PKN2: variants seen among roughly 807,000 people sequenced by gnomAD.
PKN2 encodes protein kinase N2.
PKN2 carries 38 observed loss-of-function variants against 119.1 expected under a neutral mutation model. That is an observed-to-expected ratio of 0.32 (90% CI 0.25 to 0.42). The LOEUF (loss-of-function observed/expected upper bound fraction) is 0.42, where lower values mean the gene tolerates loss of function less well. Ranked by LOEUF, PKN2 falls within the 10% of genes least tolerant of loss-of-function variation. The pLI is 1.00. For missense variants in PKN2, 850 were observed against 1,165.1 expected (o/e 0.73, Z 3.94); for synonymous variants, 390 against 384.9 (o/e 1.01, Z -0.15).
At chr1:88,699,550 A>G (rs111614883) in intron 1 of PKN2, among the ~76,000 whole-genome samples, 1,527 of 152,050 alleles carry the variant, frequency 0.01, 22 homozygotes, top group African/African-American at 0.035. Context: ...TCCATTAGCT[A>G]TTCTTCCTGA....
rs763865553 is a variant in PKN2 at position 88,834,715 on chromosome 1, A to T, written c.*1267A>T. The T allele has an allele frequency of 6.6e-6, 1 of 152,310 alleles. No individual in the cohort carries two copies. The highest frequency in any genetic ancestry group is 1.5e-5 in the Non-Finnish European group (1 of 67,976). The allele number at this position is 152,310 out of a possible 1,614,324, so 9.4% of individuals were successfully genotyped here. A position where few individuals can be genotyped will look rare whatever the true frequency, so the allele number is the denominator to read the frequency against. ...CAAAAATAATTTGATGAAATATTTT[A>T]TACAACTCTTCAAAGGATCCGTCTG... On this transcript the variant is annotated 3_prime_UTR_variant, in exon 22 of 22. Coordinates refer to ENST00000370521, the MANE Select transcript of PKN2 (RefSeq NM_006256.4).
intron 8 of PKN2, among the ~76,000 whole-genome samples, chr1:88,792,119 T>G (rs988376619): frequency 6.6e-6 from 1 of 152,146 alleles, no homozygotes; most frequent in Non-Finnish European, 1.5e-5. Flanking sequence ...AAAAATAACA[T>G]GTCGGCCGGG....
chr1:88,758,790 C>T (rs548115861), intron 2 of PKN2, among the ~76,000 whole-genome samples: 54 of 151,998 alleles, frequency 3.6e-4, no homozygotes, highest in Admixed American at 7.2e-4. Flanking sequence ...TCTGTCATTG[C>T]TGGGCATTTA....
At chr1:88,769,659 A>T (rs1036607419) in intron 3 of PKN2, among the ~76,000 whole-genome samples, 1 of 152,236 alleles carries the variant, frequency 6.6e-6, no homozygotes, top group African/African-American at 2.4e-5. Context: ...GCCATATATG[A>T]CAACATGGGT....
chr1:88,806,388 T>TCGA, intron 12 of PKN2: 3 of 221,270 alleles, frequency 1.4e-5, no homozygotes, highest in Non-Finnish European at 2.7e-5. Flanking sequence ...CAGGCTGGTC[T>TCGA]TAAACTCCTG....
chr1:88,784,968 G>T (rs1670513597), intron 7 of PKN2, 144 bp downstream of exon 7: 1 of 461,796 alleles, frequency 2.2e-6, no homozygotes, highest in East Asian at 3.5e-5. Flanking sequence ...GTGATGTCAG[G>T]AAACAAAAAG....
At chr1:88,752,842 A>C (rs550186512) in intron 2 of PKN2, among the ~76,000 whole-genome samples, 1 of 151,884 alleles carries the variant, frequency 6.6e-6, no homozygotes, top group African/African-American at 2.4e-5. Flanking sequence ...TATTTTATTC[A>C]TTTGTTTTTA....
At chr1:88,720,626 C>CT (rs749644076) in intron 1 of PKN2, among the ~76,000 whole-genome samples, 7 of 151,844 alleles carry the variant, frequency 4.6e-5, no homozygotes, top group African/African-American at 7.3e-5. Context: ...TTTCGTGACC[C>CT]TTTTTTTTAT....
rs1672851476 is a variant in PKN2, at chr1:88,834,234, A to AAT, written c.*787_*788insTA. The stretch of plus-strand genomic sequence containing the variant: ...GATATTGTTACCTGTATGCATTCCC[A>AAT]AAGTCTAGATGCTCAGTATGTTCAG... On this transcript the variant is annotated 3_prime_UTR_variant, in exon 22 of 22. Transcript: ENST00000370521. 1 of 152,048 alleles carries AAT rather than the reference A, an allele frequency of 6.6e-6. No individual in the cohort carries two copies. The highest frequency in any genetic ancestry group is 6.6e-5 in the Admixed American group (1 of 15,220). 9.4% of individuals were successfully genotyped at this position (152,048 alleles called of 1,614,324 possible).
chr1:88,799,201 A>G (rs2048091517), intron 8 of PKN2, among the ~76,000 whole-genome samples: 1 of 152,194 alleles, frequency 6.6e-6, no homozygotes, highest in Admixed American at 6.5e-5. Context: ...TTTCCTATAA[A>G]GGGAGCAGAG....
chr1:88,720,027 G>T (rs10922480), intron 1 of PKN2, among the ~76,000 whole-genome samples: 26,977 of 151,708 alleles, frequency 0.18, 2,931 homozygotes, highest in South Asian at 0.34. Context: ...AATGTTTTTT[G>T]TTGTTGTTGT....
At chr1:88,824,442 A>G (rs1210212753) in intron 18 of PKN2, 56 bp downstream of exon 18, 2 of 988,536 alleles carry the variant, frequency 2.0e-6, no homozygotes, top group African/African-American at 1.6e-5. Context: ...TTCTTTGTGC[A>G]TCAGTAGTTT....
chr1:88,828,973 T>C, intron 19 of PKN2: 1 of 637,062 alleles, frequency 1.6e-6, no homozygotes, highest in South Asian at 1.5e-5. Context: ...CCACTATAGA[T>C]TGGTCAGAAA....
At chr1:88,774,131 G>C (rs948696907) in intron 6 of PKN2, among the ~76,000 whole-genome samples, 3 of 152,136 alleles carry the variant, frequency 2.0e-5, no homozygotes, top group African/African-American at 7.2e-5. Flanking sequence ...TAAACATAAA[G>C]GGGGAGATCT....
At chr1:88,710,377 A>G (rs940718029) in intron 1 of PKN2, among the ~76,000 whole-genome samples, 3 of 152,206 alleles carry the variant, frequency 2.0e-5, no homozygotes, top group Admixed American at 2.0e-4. Context: ...GAAATTTTGC[A>G]TAAGAACTAC....
At chr1:88,746,824 T>C (rs1436786001) in intron 2 of PKN2, among the ~76,000 whole-genome samples, 1 of 152,144 alleles carries the variant, frequency 6.6e-6, no homozygotes, top group East Asian at 1.9e-4. Context: ...CATTCCAGCA[T>C]TATATAGCCA....
intron 17 of PKN2, among the ~76,000 whole-genome samples, chr1:88,823,239 TG>T (rs1266807917): frequency 1.3e-5 from 2 of 151,942 alleles, no homozygotes. Flanking sequence ...AAAAATAAAT[TG>T]AAAAAAATGG....
intron 2 of PKN2, among the ~76,000 whole-genome samples, chr1:88,743,803 G>C (rs970494175): frequency 6.6e-6 from 1 of 152,054 alleles, no homozygotes; most frequent in East Asian, 1.9e-4. Flanking sequence ...TATGACACTT[G>C]AAACATTAAA....
chr1:88,775,981 C>G (rs1011385109), intron 6 of PKN2, among the ~76,000 whole-genome samples: 2 of 151,684 alleles, frequency 1.3e-5, no homozygotes, highest in African/African-American at 2.4e-5. Context: ...GGTGGCAGGC[C>G]CCTGTAGTCC....
Sources: gnomAD v4.1 joint callset for allele counts (sites outside exome capture counted in the v4.1 genomes callset) on GRCh38, gnomAD v4.1.1 for gene constraint, MANE v1.5 for transcripts, NCBI Gene and HGNC (gene_info 2026-07-23, HGNC 2026-07-21) for gene names.